Variants in SLC25A48 observed in about 807,000 individuals in gnomAD.
The protein encoded by SLC25A48 is solute carrier family 25 member 48, also known as CTC-321K16.1.
A neutral mutation model predicts 32.2 loss-of-function variants in SLC25A48; 29 were observed. The ratio of observed to expected loss-of-function variants is 0.90; its 90% confidence interval spans 0.67 to 1.23. The LOEUF is 1.23. Ranked by LOEUF, SLC25A48 falls within the 50% of genes most tolerant of loss-of-function variation. The pLI is 0.00. For missense variants in SLC25A48, 399 were observed against 422.7 expected (o/e 0.94, Z 0.49); for synonymous variants, 164 against 172.3 (o/e 0.95, Z 0.38).
chr5:135,652,722 G>A (rs1753145816), intron 3 of SLC25A48, among the ~76,000 whole-genome samples: 1 of 152,176 alleles, frequency 6.6e-6, no homozygotes, highest in Admixed American at 6.5e-5. Flanking sequence ...GGAATCAAGG[G>A]ATATAAATAG....
chr5:135,646,635 A>G (rs1278447190), intron 3 of SLC25A48, among the ~76,000 whole-genome samples: 1 of 143,626 alleles, frequency 7.0e-6, no homozygotes, highest in Non-Finnish European at 1.5e-5. Flanking sequence ...GTATATATAT[A>G]CGCATTTATA....
chr5:135,743,260 C>T (rs866967229), intron 3 of SLC25A48, among the ~76,000 whole-genome samples: 7 of 150,046 alleles, frequency 4.7e-5, no homozygotes, highest in South Asian at 4.3e-4. Flanking sequence ...TCAGTAGAGA[C>T]GGTGTTTCTT....
chr5:135,782,406 C>T (rs576707520), intron 3 of SLC25A48, among the ~76,000 whole-genome samples: 2 of 117,070 alleles, frequency 1.7e-5, no homozygotes, highest in African/African-American at 2.6e-5. Context: ...CCCCCAATAC[C>T]GCAGCAGGTG....
intron 3 of SLC25A48, among the ~76,000 whole-genome samples, chr5:135,656,217 C>T (rs568568555): frequency 4.6e-5 from 7 of 152,280 alleles, no homozygotes; most frequent in South Asian, 4.2e-4. Context: ...ACTCCTTCTC[C>T]AATCCCCCGC....
intron 3 of SLC25A48, among the ~76,000 whole-genome samples, chr5:135,638,210 G>T (rs1000048899): frequency 5.3e-5 from 8 of 152,020 alleles, no homozygotes; most frequent in Non-Finnish European, 1.0e-4. Context: ...CTATGCTTTG[G>T]TATTGAAATA....
chr5:135,795,551 G>T (rs2075611613), intron 3 of SLC25A48, among the ~76,000 whole-genome samples: 1 of 151,752 alleles, frequency 6.6e-6, no homozygotes, highest in Non-Finnish European at 1.5e-5. Context: ...ATATTGCCAT[G>T]CATGTACACT....
chr5:135,595,376 G>A (rs759302281), intron 1 of SLC25A48, among the ~76,000 whole-genome samples: 1 of 152,128 alleles, frequency 6.6e-6, no homozygotes, highest in Non-Finnish European at 1.5e-5. Flanking sequence ...GCTGCCAAGG[G>A]CCCCACACTG....
chr5:135,778,256 G>T (rs898393459), intron 3 of SLC25A48, among the ~76,000 whole-genome samples: 1 of 151,736 alleles, frequency 6.6e-6, no homozygotes, highest in Non-Finnish European at 1.5e-5. Context: ...CGGAGAAAAA[G>T]GATGATATTG....
chr5:135,682,966 G>A (rs952815490), intron 3 of SLC25A48, among the ~76,000 whole-genome samples: 1 of 152,020 alleles, frequency 6.6e-6, no homozygotes, highest in Non-Finnish European at 1.5e-5. Flanking sequence ...TCATTTTATG[G>A]CTGAATGAGA....
intron 3 of SLC25A48, among the ~76,000 whole-genome samples, chr5:135,807,963 T>C (rs1477445500): frequency 2.0e-5 from 3 of 150,688 alleles, no homozygotes; most frequent in African/African-American, 7.3e-5. Context: ...GTTTACACTG[T>C]ATGTTAACAC....
intron 3 of SLC25A48, among the ~76,000 whole-genome samples, chr5:135,637,754 C>G (rs764427942): frequency 6.6e-6 from 1 of 152,110 alleles, no homozygotes; most frequent in South Asian, 2.1e-4. Flanking sequence ...AGGTGGCATC[C>G]TCAGCCTCCT....
chr5:135,860,581 G>T (rs751560632), intron 4 of SLC25A48, among the ~76,000 whole-genome samples: 1 of 152,126 alleles, frequency 6.6e-6, no homozygotes, highest in Non-Finnish European at 1.5e-5. Flanking sequence ...GAGATATTTT[G>T]GTTGGAATGA....
intron 3 of SLC25A48, among the ~76,000 whole-genome samples, chr5:135,651,560 A>C (rs1184614769): frequency 6.6e-6 from 1 of 152,200 alleles, no homozygotes; most frequent in African/African-American, 2.4e-5. Flanking sequence ...AGTGGGAGGA[A>C]GAGGCTCTTC....
At chr5:135,852,866 C>G in intron 4 of SLC25A48, 45 bp downstream of exon 4, 3 of 1,569,810 alleles carry the variant, frequency 1.9e-6, no homozygotes, top group Non-Finnish European at 2.6e-6. Flanking sequence ...GACTTGTGGC[C>G]CTTTCCTGGT....
chr5:135,840,812 C>T (rs1284447369), intron 1 of SLC25A48, among the ~76,000 whole-genome samples: 1 of 152,166 alleles, frequency 6.6e-6, no homozygotes, highest in Non-Finnish European at 1.5e-5. Context: ...TATTCATACA[C>T]CAGTTGATGG....
At chr5:135,618,538 T>C (rs1012581183) in intron 1 of SLC25A48, among the ~76,000 whole-genome samples, 1 of 152,152 alleles carries the variant, frequency 6.6e-6, no homozygotes, top group African/African-American at 2.4e-5. Flanking sequence ...TGGTGTTCTG[T>C]AGTGTTTACA....
intron 7 of SLC25A48, among the ~76,000 whole-genome samples, chr5:135,881,895 T>C (rs927896565): frequency 4.6e-5 from 7 of 152,214 alleles, no homozygotes; most frequent in South Asian, 2.1e-4. Context: ...CATTTTCCCA[T>C]GTCATGAAAT....
chr5:135,597,372 C>A (rs546011643), intron 1 of SLC25A48, among the ~76,000 whole-genome samples: 30 of 152,276 alleles, frequency 2.0e-4, no homozygotes, highest in African/African-American at 7.2e-4. Context: ...AGAAGTCACC[C>A]TCCAGGTTAG....
chr5:135,754,569 G>A (rs916064573), intron 3 of SLC25A48, among the ~76,000 whole-genome samples: 2 of 151,564 alleles, frequency 1.3e-5, no homozygotes, highest in African/African-American at 4.8e-5. Context: ...ACTATGATAT[G>A]AATGAAATAT....
Sources: allele counts gnomAD v4.1 joint callset (sites outside exome capture counted in the v4.1 genomes callset), GRCh38; gene constraint gnomAD v4.1.1; transcripts MANE v1.5; gene names NCBI Gene and HGNC (gene_info 2026-07-23, HGNC 2026-07-21).